The following NRDC variants were observed in gnomAD, a reference collection of about 807,000 sequenced individuals.
The protein encoded by NRDC is nardilysin convertase.
In NRDC, 54 loss-of-function variants were observed where a neutral mutation model predicts 147.1. The ratio of observed to expected loss-of-function variants is 0.37; its 90% CI spans 0.29 to 0.46. The LOEUF (loss-of-function observed/expected upper bound fraction) is 0.46, where lower values mean the gene tolerates loss of function less well. NRDC is among the 20% of genes least tolerant of loss of function. The pLI, the probability that NRDC is intolerant of heterozygous loss-of-function variation, is 1.00. For missense variants in NRDC, 1,082 were observed against 1,370.6 expected (o/e 0.79, Z 3.33); for synonymous variants, 440 against 482.1 (o/e 0.91, Z 1.14).
At chr1:51,811,370 C>T (rs890581644) in intron 15 of NRDC, among the ~76,000 whole-genome samples, 1 of 152,176 alleles carries the variant, frequency 6.6e-6, no homozygotes, top group Non-Finnish European at 1.5e-5. Context: ...CCCACTGGAT[C>T]CCAGGAGCAC....
chr1:51,844,618 C>G (rs1264439952), intron 1 of NRDC, among the ~76,000 whole-genome samples: 1 of 151,654 alleles, frequency 6.6e-6, no homozygotes. Flanking sequence ...CGGCGCGTGC[C>G]TGTAGTCTGT....
intron 1 of NRDC, among the ~76,000 whole-genome samples, chr1:51,841,308 T>A (rs1681254311): frequency 6.6e-6 from 1 of 152,190 alleles, no homozygotes; most frequent in Admixed American, 6.5e-5. Context: ...ACACTAATTT[T>A]TTTTTTCCTT....
chr1:51,845,389 T>TA (rs1246710179), intron 1 of NRDC, among the ~76,000 whole-genome samples: 4 of 152,160 alleles, frequency 2.6e-5, no homozygotes, highest in Non-Finnish European at 4.4e-5. Context: ...GGTCGGGAGT[T>TA]AAAGACCAGC....
chr1:51,845,883 G>A (rs1681537307), intron 1 of NRDC, among the ~76,000 whole-genome samples: 3 of 151,978 alleles, frequency 2.0e-5, no homozygotes, highest in Admixed American at 2.0e-4. Context: ...GTTAACGCCT[G>A]GAGGGGACCT....
rs139790514 is a variant in NRDC, at chr1:51,831,703, C to T, written c.866+2314G>A. ...AAGCAATTCTCGTGCCTCAGCCTCC[C>T]AAGCAGCTGGGATTACAGGCCTGCG... On this transcript the variant is annotated intron_variant, in intron 4 of 30. Coordinates refer to ENST00000352171, the MANE Select transcript of NRDC (RefSeq NM_001101662.2). Among the ~76,000 whole-genome samples the T allele has an allele frequency of 7.9e-3, 1,208 of 152,000 alleles. 20 individuals are homozygous for T. The highest frequency in any genetic ancestry group is 0.028 in the African/African-American group (1,142 of 41,450).
chr1:51,817,875 A>C (rs934909255), intron 10 of NRDC, among the ~76,000 whole-genome samples, 191 bp downstream of exon 10: 1 of 152,248 alleles, frequency 6.6e-6, no homozygotes, highest in African/African-American at 2.4e-5. Context: ...TAACTGAGAA[A>C]GCTCTAGTTT....
At chr1:51,797,952 T>G (rs886401736) in intron 22 of NRDC, 1 of 247,296 alleles carries the variant, frequency 4.0e-6, no homozygotes, top group Non-Finnish European at 7.8e-6. Flanking sequence ...TTATTTTTTG[T>G]AGGGATGAGT....
At chr1:51,842,231 GT>G (rs1288672336) in intron 1 of NRDC, among the ~76,000 whole-genome samples, 2,454 of 140,882 alleles carry the variant, frequency 0.017, 61 homozygotes, top group African/African-American at 0.056. Flanking sequence ...AAAATGTTTG[GT>G]TTTTTTTTTT....
intron 6 of NRDC, 110 bp from the exon 7 acceptor site, chr1:51,823,896 A>C: frequency 1.6e-6 from 1 of 630,554 alleles, no homozygotes; most frequent in South Asian, 2.9e-5. Context: ...AAATAACCCA[A>C]GGGACTCAAG....
intron 16 of NRDC, among the ~76,000 whole-genome samples, chr1:51,809,876 G>A (rs2149199719): frequency 6.6e-6 from 1 of 151,536 alleles, no homozygotes; most frequent in South Asian, 2.1e-4. Flanking sequence ...CTGCACTCCA[G>A]CCTGAGCAAC....
intron 1 of NRDC, among the ~76,000 whole-genome samples, chr1:51,849,310 ATGAC>A (rs1169473396): frequency 6.6e-6 from 1 of 151,894 alleles, no homozygotes; most frequent in Non-Finnish European, 1.5e-5. Context: ...AGGCAGGAGA[ATGAC>A]TGAGACAGGA....
chr1:51,824,273 G>A (rs964230000), intron 6 of NRDC, among the ~76,000 whole-genome samples: 4 of 151,956 alleles, frequency 2.6e-5, no homozygotes, highest in Admixed American at 6.6e-5. Flanking sequence ...CTACAGGCAT[G>A]AGCCACCACA....
intron 14 of NRDC, among the ~76,000 whole-genome samples, chr1:51,812,753 A>G (rs1436582113): frequency 1.3e-5 from 2 of 152,132 alleles, no homozygotes; most frequent in African/African-American, 4.8e-5. Context: ...TCACTACAGC[A>G]CTATCGTCTA....
intron 24 of NRDC, 110 bp from the exon 25 acceptor site, chr1:51,792,534 C>A: frequency 1.1e-6 from 1 of 897,816 alleles, no homozygotes; most frequent in Non-Finnish European, 1.8e-6. Context: ...ATCGCTCTCC[C>A]CCAAGAGAGT....
rs1349609170 is a variant in NRDC, at chr1:51,797,976, CCTGGA to C, written c.2604+268_2604+272del. On this transcript the variant is annotated intron_variant, in intron 22 of 30. Transcript: ENST00000352171. ...GTAGGGATGAGTTCTCACTGTGTTG[CCTGGA>C]CTGGTCTCGAAATCCTGACCTTAAG... The C allele has an allele frequency of 2.5e-5, 9 of 361,802 alleles. No homozygotes were observed. In the South Asian group the frequency reaches 4.4e-4, roughly 18 times the overall value. 22.4% of individuals were successfully genotyped at this position (361,802 alleles called of 1,614,324 possible).
At chr1:51,855,629 G>GA (rs965769159) in intron 1 of NRDC, among the ~76,000 whole-genome samples, 4 of 151,800 alleles carry the variant, frequency 2.6e-5, no homozygotes, top group Non-Finnish European at 5.9e-5. Context: ...ATCATTAAGA[G>GA]AAAAAAACCC....
At chr1:51,868,799 G>A (rs187237783) in intron 1 of NRDC, among the ~76,000 whole-genome samples, 1 of 152,194 alleles carries the variant, frequency 6.6e-6, no homozygotes, top group Admixed American at 6.5e-5. Context: ...CTTGAGCCTG[G>A]GAGGTGGAGG....
intron 1 of NRDC, among the ~76,000 whole-genome samples, chr1:51,873,973 G>C (rs1202767774): frequency 6.6e-6 from 1 of 151,386 alleles, no homozygotes; most frequent in African/African-American, 2.4e-5. Context: ...CAGATCTCTT[G>C]AGGTCAGGAG....
chr1:51,857,949 C>A (rs1682333460), intron 1 of NRDC, among the ~76,000 whole-genome samples: 1 of 152,034 alleles, frequency 6.6e-6, no homozygotes, highest in African/African-American at 2.4e-5. Context: ...CTGAAGAACA[C>A]CGTATTCTAC....
Sources: allele counts gnomAD v4.1 joint callset (sites outside exome capture counted in the v4.1 genomes callset), GRCh38; gene constraint gnomAD v4.1.1; transcripts MANE v1.5; gene names NCBI Gene and HGNC (gene_info 2026-07-23, HGNC 2026-07-21).